The following ADPRM variants were observed in gnomAD, a reference collection of about 807,000 sequenced individuals.
ADPRM encodes manganese-dependent ADP-ribose/CDP-alcohol diphosphatase.
Under a neutral mutation model 27.2 loss-of-function variants are expected in ADPRM, and 17 were observed. That is an observed-to-expected ratio of 0.63 (90% CI 0.43 to 0.94). The LOEUF is 0.94. ADPRM is among the 40% of genes least tolerant of loss of function. The probability of loss-of-function intolerance (pLI) is 0.00; values close to 1 mark genes in which losing one functional copy is unlikely to be tolerated. For missense variants in ADPRM, 337 were observed against 412.8 expected, an observed-to-expected ratio of 0.82 and a Z score of 1.59; for synonymous variants, 135 against 145.3, an observed-to-expected ratio of 0.93 and a Z score of 0.51.
Position 10,706,533 on chromosome 17 carries a change from CAAG to C in ADPRM, c.700_702del (p.Glu234del). ...AGTGCTAACATTCTCTGACACAAAC[CAAG>C]AAAAGGTGGTGATTGTGAGTAAGTA... On this transcript the variant is annotated inframe_deletion, in exon 3 of 4. Transcript: ENST00000379774. 2 of 1,578,684 alleles carry C rather than the reference CAAG, an allele frequency of 1.3e-6. No homozygotes were observed. Among genetic ancestry groups the C allele is most frequent in the Non-Finnish European group, 1.7e-6 (2 of 1,166,674 alleles).
At position 10,711,528 on chromosome 17, in the gene ADPRM, G is replaced by A. The variant is rs1218076571; in HGVS notation, c.*384G>A. Among the ~76,000 whole-genome samples the A allele has an allele frequency of 3.3e-5, 5 of 152,180 alleles. No homozygotes were observed. The highest frequency in any genetic ancestry group is 7.3e-5 in the Non-Finnish European group (5 of 68,038). ...AAGCTTTTTCTATTCACCCTGCTGT[G>A]TAAATGAGCTTTGGACAATTTCTGC... On this transcript the variant is annotated 3_prime_UTR_variant, in exon 4 of 4. Coordinates refer to ENST00000379774, the MANE Select transcript of ADPRM (RefSeq NM_020233.5).
At position 10,705,509 on chromosome 17, in the gene ADPRM, G is replaced by T; in HGVS notation, c.583G>T (p.Glu195Ter). The part of the protein sequence containing the change: ...KILREHNPNT[E>*]LNSPQGLSEP... ...ATTGAGGGAGCACAATCCAAATACG[G>T]AACTGAATAGTCCTCAAGGTGAATT... Residue 195 changes from glutamate to a stop codon, truncating the protein, a stop_gained, in exon 2 of 4, where the codon GAA becomes TAA. Transcript: ENST00000379774. LOFTEE classifies it high-confidence loss of function. The surrounding 1 kb of genome is among the most constrained non-coding windows in gnomAD (Gnocchi z 5.4). The T allele has an allele frequency of 6.2e-7, 1 of 1,613,336 alleles. No individual in the cohort carries two copies.
rs745552088 is a variant in ADPRM at position 10,705,285 on chromosome 17, A to G, written c.359A>G (p.Tyr120Cys). ...GAATTCTATAACTTCAGTAGAGAGT[A>G]TTTAACACACTCTAAACTTAACACT... ...NHEFYNFSRE[Y>C]LTHSKLNTKF... The change falls in exon 2 of 4, where the codon TAT (tyrosine) becomes TGT (cysteine). Residue 120 changes from tyrosine to cysteine, a missense_variant. Physicochemically the swap from Tyr to Cys is radical, Grantham distance 194. Coordinates refer to ENST00000379774, the MANE Select transcript of ADPRM (RefSeq NM_020233.5). This position sits in a 1 kb window ranked among gnomAD's most constrained non-coding sequence, Gnocchi z 5.4. The G allele has an allele frequency of 6.2e-7, 1 of 1,613,570 alleles. No individual in the cohort carries two copies. Among genetic ancestry groups the G allele is most frequent in the South Asian group, 1.1e-5 (1 of 91,064 alleles).
rs763831543 is a variant in ADPRM, at chr17:10,705,516, A to G, written c.590A>G (p.Asn197Ser). ...LREHNPNTEL[N>S]SPQGLSEPQF... ...GAGCACAATCCAAATACGGAACTGA[A>G]TAGTCCTCAAGGTGAATTATTCCTT... The change falls in exon 2 of 4, where the codon AAT becomes AGT. Residue 197 changes from asparagine to serine, a missense_variant. Coordinates refer to ENST00000379774, the MANE Select transcript of ADPRM (RefSeq NM_020233.5). The surrounding 1 kb of genome is among the most constrained non-coding windows in gnomAD (Gnocchi z 5.4). 1.9e-6 allele frequency: 3 copies of G among 1,612,890 alleles called. No homozygotes were observed. In the African/African-American group the frequency reaches 4.0e-5, roughly 22 times the overall value.
intron 1 of ADPRM, chr17:10,698,496 A>G (rs2074750953): frequency 6.6e-6 from 1 of 152,206 alleles, no homozygotes; most frequent in African/African-American, 2.4e-5. Flanking sequence ...AAAAAAAGGA[A>G]AATCGTCCTC....
rs57337863 is a variant in ADPRM, at chr17:10,708,450, A to AAAAAAAAAAAAC, written c.718+1896_718+1897insAAAAAAAAAAAC. On this transcript the variant is annotated intron_variant, in intron 3 of 3. Transcript: ENST00000379774. ...GTCTCAAAAAAAAAAAAAAAAAAAA[A>AAAAAAAAAAAAC]CCTTTGAAAATGATAGGCTATTCAG... Among the ~76,000 whole-genome samples, 42 of 118,950 alleles carry AAAAAAAAAAAAC rather than the reference A, an allele frequency of 3.5e-4. 5 individuals carry two copies. Among genetic ancestry groups the AAAAAAAAAAAAC allele is most frequent in the African/African-American group, 5.9e-4 (17 of 28,664 alleles). 78.0% of individuals were successfully genotyped at this position (118,950 alleles called of 152,430 possible). A position where few individuals can be genotyped will look rare whatever the true frequency, so the allele number is the denominator to read the frequency against.
chr17:10,711,188 CCCTCCT>C lies in ADPRM; in HGVS notation c.*45_*50del. 1 of 1,453,910 alleles carries C rather than the reference CCCTCCT, an allele frequency of 6.9e-7. No homozygotes were observed. Among genetic ancestry groups the C allele is most frequent in the South Asian group, 1.3e-5 (1 of 75,840 alleles). 90.1% of individuals were successfully genotyped at this position (1,453,910 alleles called of 1,614,324 possible). A position where few individuals can be genotyped will look rare whatever the true frequency, so the allele number is the denominator to read the frequency against. On this transcript the variant is annotated 3_prime_UTR_variant, in exon 4 of 4. Coordinates refer to ENST00000379774, the MANE Select transcript of ADPRM (RefSeq NM_020233.5). The stretch of plus-strand genomic sequence containing the variant: ...GATAGAAAATGAGCTTTGTGTTTGT[CCCTCCT>C]AAACAAAAAAATAAAAATCCTCTGT...
intron 1 of ADPRM, among the ~76,000 whole-genome samples, chr17:10,703,288 C>CTAA (rs1272108596): frequency 6.6e-6 from 1 of 152,122 alleles, no homozygotes; most frequent in African/African-American, 2.4e-5. Context: ...GATTACCTCT[C>CTAA]ATTTATACAC....
chr17:10,704,872 C>T (rs144976956), intron 1 of ADPRM, 38 bp from the exon 2 acceptor site: 100 of 1,429,198 alleles, frequency 7.0e-5, no homozygotes, highest in African/African-American at 3.9e-4. Context: ...GAAATTAAAA[C>T]GTTTATAATT....
rs766069775 is a variant in ADPRM at position 10,702,494 on chromosome 17, G to A, written c.-17-2416G>A. Reference sequence around the variant, plus strand: ...TTCTAGCAGGGACAGGTGAATTTAGGTATTCAACTAATGTTTTCAGAAATC... The same window carrying A: ...TTCTAGCAGGGACAGGTGAATTTAGATATTCAACTAATGTTTTCAGAAATC... On this transcript the variant is annotated intron_variant, in intron 1 of 3. Coordinates refer to ENST00000379774, the MANE Select transcript of ADPRM (RefSeq NM_020233.5). This position sits in a 1 kb window ranked among gnomAD's most constrained non-coding sequence, Gnocchi z 4.2. Among the ~76,000 whole-genome samples the A allele has an allele frequency of 7.9e-5, 12 of 152,160 alleles. No individual in the cohort carries two copies. The highest frequency in any genetic ancestry group is 1.2e-4 in the Non-Finnish European group (8 of 68,034).
intron 1 of ADPRM, 85 bp downstream of exon 1, chr17:10,697,752 G>T (rs895229865): frequency 5.1e-6 from 3 of 591,892 alleles, no homozygotes; most frequent in Admixed American, 2.9e-5. Context: ...CGCCGGGAAG[G>T]GGGCTGCCTT....
chr17:10,697,597 C>T lies in ADPRM; in HGVS notation c.-88C>T. 1.3e-6 allele frequency: 2 copies of T among 1,504,162 alleles called. No homozygotes were observed. The highest frequency in any genetic ancestry group is 1.7e-4 in the Middle Eastern group (1 of 5,854). The allele number at this position is 1,504,162 out of a possible 1,614,324, so 93.2% of individuals were successfully genotyped here. On this transcript the variant is annotated 5_prime_UTR_variant, in exon 1 of 4. Transcript: ENST00000379774. ...GGAAGTCGGAAGGAGTCGCTCTGTC[C>T]GTCCCGCTCGTTGGTGGCGCTGTTA...
intron 1 of ADPRM, among the ~76,000 whole-genome samples, chr17:10,700,095 G>A (rs1364194547): frequency 1.3e-5 from 2 of 152,116 alleles, no homozygotes; most frequent in South Asian, 2.1e-4. Context: ...TGGTATCTGC[G>A]TAGAAAACAT....
At position 10,702,870 on chromosome 17, in the gene ADPRM, C is replaced by T. The variant is rs1238228372; in HGVS notation, c.-17-2040C>T. On this transcript the variant is annotated intron_variant, in intron 1 of 3. Coordinates refer to ENST00000379774, the MANE Select transcript of ADPRM (RefSeq NM_020233.5). This position sits in a 1 kb window ranked among gnomAD's most constrained non-coding sequence, Gnocchi z 4.2. ...GAACAGGAAATGAATGCTGGGTAGG[C>T]AAAAATAACAGCTGTCCACTGGAGA... Among the ~76,000 whole-genome samples the T allele has an allele frequency of 6.6e-6, 1 of 152,056 alleles. No individual in the cohort carries two copies. The highest frequency in any genetic ancestry group is 2.4e-5 in the African/African-American group (1 of 41,402).
intron 1 of ADPRM, among the ~76,000 whole-genome samples, chr17:10,700,747 G>C (rs1032392940): frequency 7.5e-5 from 11 of 147,628 alleles, no homozygotes; most frequent in Non-Finnish European, 1.5e-4. Flanking sequence ...TTGCGCAGTA[G>C]AGCCAGACCC....
chr17:10,697,701 G>A (rs1415560211), intron 1 of ADPRM, 34 bp downstream of exon 1: 2 of 738,902 alleles, frequency 2.7e-6, no homozygotes, highest in Non-Finnish European at 4.5e-6. Context: ...GGCGGGTCTG[G>A]CGCGGGCTGG....
chr17:10,710,368 T>C (rs567537323), intron 3 of ADPRM, among the ~76,000 whole-genome samples: 4 of 152,200 alleles, frequency 2.6e-5, no homozygotes, highest in Non-Finnish European at 4.4e-5. Flanking sequence ...TCCCAAAGTG[T>C]TGGGATTACA....
intron 1 of ADPRM, chr17:10,699,402 C>T (rs186522498): frequency 5.3e-4 from 81 of 152,256 alleles, no homozygotes; most frequent in African/African-American, 1.9e-3. Flanking sequence ...TGCCAGAAGG[C>T]GCCTACAGTG....
intron 1 of ADPRM, among the ~76,000 whole-genome samples, chr17:10,703,179 G>A (rs891656226): frequency 9.5e-5 from 12 of 126,554 alleles, no homozygotes; most frequent in East Asian, 5.0e-4. Flanking sequence ...ACTTGGAATC[G>A]CAAATATTTG....
Sources: allele counts gnomAD v4.1 joint callset (sites outside exome capture counted in the v4.1 genomes callset), GRCh38; gene constraint gnomAD v4.1.1; non-coding constraint Gnocchi (gnomAD v3.1); transcripts MANE v1.5; gene names NCBI Gene and HGNC (gene_info 2026-07-23, HGNC 2026-07-21).